Variants in CNTNAP2 observed in about 807,000 individuals in gnomAD.
CNTNAP2 encodes contactin associated protein 2, also known as contactin-associated protein-like 2.
CNTNAP2 carries 98 observed loss-of-function variants against 155.2 expected under a neutral mutation model. That is an observed-to-expected ratio of 0.63 (90% CI 0.54 to 0.75). The LOEUF (loss-of-function observed/expected upper bound fraction) is 0.75. CNTNAP2 is among the 30% of genes least tolerant of loss of function. The probability of loss-of-function intolerance (pLI) is 0.00; values close to 1 mark genes in which losing one functional copy is unlikely to be tolerated. For missense variants in CNTNAP2, 1,727 were observed against 1,688.1 expected (o/e 1.02, Z -0.40); for synonymous variants, 651 against 631.2 (o/e 1.03, Z -0.47).
chr7:146,896,495 T>G (rs1017682338), intron 3 of CNTNAP2, among the ~76,000 whole-genome samples: 2 of 152,114 alleles, frequency 1.3e-5, no homozygotes, highest in African/African-American at 4.8e-5. Flanking sequence ...TTTTTAAATA[T>G]TTCTCAGTCA....
At chr7:147,030,011 C>T (rs562189678) in intron 3 of CNTNAP2, among the ~76,000 whole-genome samples, 1 of 152,232 alleles carries the variant, frequency 6.6e-6, no homozygotes, top group South Asian at 2.1e-4. Context: ...TTAACAAATA[C>T]CTGCGAAAAG....
chr7:147,575,371 G>GT (rs1800375715), intron 12 of CNTNAP2, among the ~76,000 whole-genome samples: 4 of 95,882 alleles, frequency 4.2e-5, no homozygotes, highest in Admixed American at 1.1e-4. Context: ...TAGCTTTAGG[G>GT]GTGTGTGTGT....
At chr7:147,323,326 G>A (rs1212465377) in intron 9 of CNTNAP2, among the ~76,000 whole-genome samples, 2 of 124,060 alleles carry the variant, frequency 1.6e-5, no homozygotes, top group Non-Finnish European at 3.3e-5. Flanking sequence ...CCTTCATTTC[G>A]TTATGTACCC....
chr7:146,445,741 A>T (rs7794014), intron 1 of CNTNAP2, among the ~76,000 whole-genome samples: 46,938 of 152,012 alleles, frequency 0.31, 7,398 homozygotes, highest in Admixed American at 0.43. Flanking sequence ...GAGCAAGATG[A>T]ATGAGGGAGG....
chr7:146,773,640 C>T (rs1189434214), intron 1 of CNTNAP2, among the ~76,000 whole-genome samples: 8 of 152,186 alleles, frequency 5.3e-5, no homozygotes, highest in African/African-American at 9.6e-5. Flanking sequence ...GTGATCAACC[C>T]GCCTTGGCCT....
At chr7:148,277,043 A>G (rs975294638) in intron 21 of CNTNAP2, among the ~76,000 whole-genome samples, 8 of 152,188 alleles carry the variant, frequency 5.3e-5, no homozygotes, top group African/African-American at 1.9e-4. Flanking sequence ...AAAAATGTTC[A>G]GTTTCTCGAA....
At chr7:148,255,376 C>T (rs950535822) in intron 20 of CNTNAP2, among the ~76,000 whole-genome samples, 12 of 152,154 alleles carry the variant, frequency 7.9e-5, no homozygotes, top group African/African-American at 2.9e-4. Flanking sequence ...GAGAATTTCT[C>T]CTCCTGTCCG....
chr7:146,336,486 C>A (rs1484165482), intron 1 of CNTNAP2, among the ~76,000 whole-genome samples: 1 of 151,682 alleles, frequency 6.6e-6, no homozygotes, highest in African/African-American at 2.4e-5. Context: ...TTTTGAGCCC[C>A]AGGGCCTGCT....
chr7:147,951,080 C>T (rs1800922651), intron 14 of CNTNAP2, among the ~76,000 whole-genome samples: 1 of 152,162 alleles, frequency 6.6e-6, no homozygotes, highest in African/African-American at 2.4e-5. Flanking sequence ...TCTGTATACT[C>T]CTATCTTGGT....
At position 146,714,167 on chromosome 7, in the gene CNTNAP2, C is replaced by A. The variant is rs558075406; in HGVS notation, c.98-60104C>A. On this transcript the variant is annotated intron_variant, in intron 1 of 23. Transcript: ENST00000361727. ...CGTGACGCATGATCATGGCTATTCA[C>A]TCCTCTATTCTGTCACAGTCCTTTG... is the stretch of plus-strand genomic sequence containing the variant. Among the ~76,000 whole-genome samples, 3 of 152,248 alleles carry A rather than the reference C, an allele frequency of 2.0e-5. No homozygotes were observed. The East Asian group carries it at 5.8e-4, about 29-fold the overall frequency.
At chr7:146,473,214 T>G (rs2129126985) in intron 1 of CNTNAP2, among the ~76,000 whole-genome samples, 2 of 152,128 alleles carry the variant, frequency 1.3e-5, no homozygotes, top group East Asian at 3.9e-4. Flanking sequence ...CTCCTTTCAG[T>G]TAATGCCCAA....
intron 4 of CNTNAP2, among the ~76,000 whole-genome samples, chr7:147,060,484 A>C (rs1230280702): frequency 1.3e-5 from 2 of 152,170 alleles, no homozygotes; most frequent in African/African-American, 4.8e-5. Context: ...ACACTTTGGG[A>C]GGCAAACACA....
intron 18 of CNTNAP2, among the ~76,000 whole-genome samples, chr7:148,204,944 G>A (rs1795424862): frequency 6.6e-6 from 1 of 152,178 alleles, no homozygotes; most frequent in South Asian, 2.1e-4. Flanking sequence ...CGTTGCTGTT[G>A]AGTAATTAGG....
chr7:147,041,195 A>AT (rs949385622), intron 3 of CNTNAP2, among the ~76,000 whole-genome samples: 3 of 152,084 alleles, frequency 2.0e-5, no homozygotes, highest in African/African-American at 7.2e-5. Flanking sequence ...AAGATTTATG[A>AT]TTTTTTTCAA....
chr7:146,557,300 A>G (rs1563133931), intron 1 of CNTNAP2, among the ~76,000 whole-genome samples: 5 of 152,022 alleles, frequency 3.3e-5, no homozygotes, highest in South Asian at 2.1e-4. Context: ...AGTATGTACT[A>G]TATTGTTACC....
intron 22 of CNTNAP2, among the ~76,000 whole-genome samples, chr7:148,387,167 T>C (rs1320990719): frequency 1.3e-5 from 2 of 152,206 alleles, no homozygotes; most frequent in African/African-American, 4.8e-5. Context: ...GGCTTCTTTC[T>C]GCACCTATTG....
At chr7:147,634,240 G>C (rs983183313) in intron 12 of CNTNAP2, among the ~76,000 whole-genome samples, 2 of 152,198 alleles carry the variant, frequency 1.3e-5, no homozygotes, top group Non-Finnish European at 2.9e-5. Flanking sequence ...TAAAGAGAAT[G>C]TGGTATATAT....
intron 3 of CNTNAP2, among the ~76,000 whole-genome samples, chr7:146,935,342 T>A (rs1245165628): frequency 6.6e-6 from 1 of 152,218 alleles, no homozygotes; most frequent in East Asian, 1.9e-4. Context: ...GCCAGACTTA[T>A]ATGTAGATAA....
intron 9 of CNTNAP2, among the ~76,000 whole-genome samples, chr7:147,347,461 T>TATATATATATATATATATATATATGC (rs1584889473): frequency 3.2e-5 from 2 of 62,552 alleles, no homozygotes; most frequent in Non-Finnish European, 7.0e-5. Context: ...TATATGCATA[T>TATATATATATATATATATATATATGC]ATATATATAT....
Sources: allele counts gnomAD v4.1 joint callset (sites outside exome capture counted in the v4.1 genomes callset), GRCh38; gene constraint gnomAD v4.1.1; transcripts MANE v1.5; gene names NCBI Gene and HGNC (gene_info 2026-07-23, HGNC 2026-07-21).